Variants in MYO16 observed in about 807,000 individuals in gnomAD.
MYO16 encodes myosin XVI, also known as unconventional myosin-XVI.
In MYO16, 94 loss-of-function variants were observed where a neutral mutation model predicts 205.3. That is an observed-to-expected ratio of 0.46 (90% CI 0.39 to 0.54). The LOEUF (loss-of-function observed/expected upper bound fraction) is 0.54, where lower values mean the gene tolerates loss of function less well. Ranked by LOEUF, MYO16 falls within the 20% of genes least tolerant of loss-of-function variation. The pLI, the probability that MYO16 is intolerant of heterozygous loss-of-function variation, is 0.00. For synonymous variants in MYO16, 988 were observed against 954.0 expected (o/e 1.04, Z -0.66); for missense variants, 2,315 against 2,387.5 (o/e 0.97, Z 0.63).
At chr13:109,148,472 C>CACTG (rs1340265768) in intron 32 of MYO16, among the ~76,000 whole-genome samples, 2 of 152,208 alleles carry the variant, frequency 1.3e-5, no homozygotes, top group African/African-American at 4.8e-5. Flanking sequence ...AAATCCAAAA[C>CACTG]ACTGATAAAC....
intron 33 of MYO16, among the ~76,000 whole-genome samples, chr13:109,176,163 T>C (rs1037415684): frequency 6.6e-6 from 1 of 152,172 alleles, no homozygotes; most frequent in African/African-American, 2.4e-5. Flanking sequence ...TTTAAAACTG[T>C]GTTATTTTGA....
At chr13:108,530,633 A>G in the MYO16 span, among the ~76,000 whole-genome samples, 35 of 152,332 alleles carry the variant, frequency 2.3e-4, no homozygotes, top group African/African-American at 8.4e-4. Context: ...GATCACTGCC[A>G]TATTCACATT....
At chr13:108,967,434 A>T (rs1883837448) in intron 20 of MYO16, among the ~76,000 whole-genome samples, 1 of 152,174 alleles carries the variant, frequency 6.6e-6, no homozygotes, top group African/African-American at 2.4e-5. Context: ...GGTGAGGTTG[A>T]TGCGATTAAT....
At chr13:109,145,647 T>G (rs536276675) in intron 32 of MYO16, among the ~76,000 whole-genome samples, 1 of 152,382 alleles carries the variant, frequency 6.6e-6, no homozygotes, top group South Asian at 2.1e-4. Flanking sequence ...ATGTGGCTAA[T>G]ATTATTATGC....
chr13:108,673,081 T>C (rs1010037843), intron 2 of MYO16, among the ~76,000 whole-genome samples: 3 of 151,358 alleles, frequency 2.0e-5, no homozygotes, highest in Non-Finnish European at 4.5e-5. Context: ...GGTGAAGCAA[T>C]GCAGCCTTTG....
At chr13:108,505,898 A>G in the MYO16 span, among the ~76,000 whole-genome samples, 19 of 152,156 alleles carry the variant, frequency 1.2e-4, no homozygotes, top group African/African-American at 4.6e-4. Context: ...TAGTTTTCCA[A>G]CACCATTTGT....
chr13:108,999,451 A>G (rs1238525181), intron 21 of MYO16, among the ~76,000 whole-genome samples: 1 of 152,202 alleles, frequency 6.6e-6, no homozygotes, highest in African/African-American at 2.4e-5. Flanking sequence ...TCAGAACTCT[A>G]GCATAATGCT....
intron 1 of MYO16, among the ~76,000 whole-genome samples, chr13:108,658,231 A>T (rs1034268838): frequency 6.6e-6 from 1 of 152,134 alleles, no homozygotes; most frequent in African/African-American, 2.4e-5. Context: ...AGATTTTTAA[A>T]AACTGATTTA....
At chr13:109,096,852 C>G (rs760585310) in intron 27 of MYO16, among the ~76,000 whole-genome samples, 8 of 152,192 alleles carry the variant, frequency 5.3e-5, no homozygotes, top group Non-Finnish European at 8.8e-5. Flanking sequence ...GAGGGTAGAG[C>G]GTTGCTTGTT....
At chr13:109,081,255 C>A (rs1594067637) in intron 27 of MYO16, among the ~76,000 whole-genome samples, 1 of 152,102 alleles carries the variant, frequency 6.6e-6, no homozygotes, top group Admixed American at 6.5e-5. Flanking sequence ...CAAATAAAAT[C>A]TAACAAAGTA....
At chr13:108,623,111 C>T (rs964010) in intron 1 of MYO16, among the ~76,000 whole-genome samples, 150,697 of 152,276 alleles carry the variant, frequency 0.99, 74,589 homozygotes, top group East Asian at 1. Context: ...ACACACACGA[C>T]GTCCAGCTTC....
At chr13:109,206,552 A>G in intron 34 of MYO16, 57 bp from the exon 35 acceptor site, 1 of 1,310,000 alleles carries the variant, frequency 7.6e-7, no homozygotes, top group East Asian at 2.3e-5. Flanking sequence ...ATCACACTTC[A>G]TACTCATTCA....
At chr13:108,701,006 C>A (rs985770011) in intron 2 of MYO16, among the ~76,000 whole-genome samples, 2 of 152,104 alleles carry the variant, frequency 1.3e-5, no homozygotes, top group African/African-American at 4.8e-5. Context: ...AAGCCCAGAT[C>A]CTAAGCGAAG....
intron 12 of MYO16, among the ~76,000 whole-genome samples, chr13:108,876,669 CTTT>C (rs35250959): frequency 1.2e-4 from 16 of 135,244 alleles, no homozygotes; most frequent in Admixed American, 2.9e-4. Context: ...TATTCTCTCT[CTTT>C]TTTTTTTTTT....
At chr13:108,659,923 C>T (rs183833285) in intron 1 of MYO16, among the ~76,000 whole-genome samples, 5 of 151,992 alleles carry the variant, frequency 3.3e-5, no homozygotes, top group African/African-American at 7.2e-5. Context: ...GTATAATGTA[C>T]GGTTGAAGGA....
chr13:108,821,521 G>C (rs959738453), intron 8 of MYO16, among the ~76,000 whole-genome samples: 10 of 152,058 alleles, frequency 6.6e-5, no homozygotes, highest in Admixed American at 6.6e-4. Context: ...TTTTAAAAAC[G>C]TGTTTACTGT....
intron 11 of MYO16, among the ~76,000 whole-genome samples, chr13:108,856,278 A>G (rs1878167411): frequency 6.6e-6 from 1 of 152,228 alleles, no homozygotes; most frequent in Non-Finnish European, 1.5e-5. Context: ...GTCTATAAAG[A>G]AATCTGATTA....
chr13:108,715,326 TTG>T (rs1277322374), intron 3 of MYO16, among the ~76,000 whole-genome samples: 1 of 152,192 alleles, frequency 6.6e-6, no homozygotes. Flanking sequence ...CCTCCCTGGC[TTG>T]CCCTATGGGG....
chr13:108,625,349 C>T (rs1483973925), upstream of MYO16, among the ~76,000 whole-genome samples: 1 of 152,184 alleles, frequency 6.6e-6, no homozygotes, highest in Non-Finnish European at 1.5e-5. Context: ...GATGTTCAGT[C>T]ATTCAAGGTA....
Sources: allele counts gnomAD v4.1 joint callset (sites outside exome capture counted in the v4.1 genomes callset), GRCh38; gene constraint gnomAD v4.1.1; transcripts MANE v1.5; gene names NCBI Gene and HGNC (gene_info 2026-07-23, HGNC 2026-07-21).